Variants in BRI3BP observed in about 807,000 individuals in gnomAD.
BRI3BP encodes the protein BRI3-binding protein.
In BRI3BP, 7 loss-of-function variants were observed where a neutral mutation model predicts 15.8. The ratio of observed to expected loss-of-function variants is 0.44; its 90% confidence interval spans 0.25 to 0.83. The LOEUF (loss-of-function observed/expected upper bound fraction) is 0.83, where lower values mean the gene tolerates loss of function less well. Ranked by LOEUF, BRI3BP falls within the 40% of genes least tolerant of loss-of-function variation. BRI3BP has a pLI of 0.20. For missense variants in BRI3BP, 320 were observed against 339.3 expected (o/e 0.94, Z 0.45); for synonymous variants, 192 against 163.5 (o/e 1.17, Z -1.33).
the BRI3BP span, among the ~76,000 whole-genome samples, chr12:125,040,737 A>ATT: frequency 1.4e-5 from 2 of 140,156 alleles, no homozygotes; most frequent in African/African-American, 5.2e-5. Context: ...TTATTTATTC[A>ATT]TTTTTTTTTT....
At chr12:125,022,541 A>ATTTATTTATTTATTTATTTTTTTT in intron 2 of BRI3BP, among the ~76,000 whole-genome samples, 193 of 139,420 alleles carry the variant, frequency 1.4e-3, no homozygotes, top group African/African-American at 5.0e-3. Context: ...TTATTTATTT[A>ATTTATTTATTTATTTATTTTTTTT]TTTTTTGAGA....
chr12:125,025,801 G>T lies in BRI3BP; in HGVS notation c.*371G>T. 6.0e-6 allele frequency: 1 copy of T among 165,916 alleles called. No individual in the cohort carries two copies. Among genetic ancestry groups the T allele is most frequent in the Admixed American group, 6.2e-5 (1 of 16,110 alleles). The allele number at this position is 165,916 out of a possible 1,614,324, so 10.3% of individuals were successfully genotyped here. On this transcript the variant is annotated 3_prime_UTR_variant, in exon 3 of 3. Transcript: ENST00000341446. ...TTTTAATAAAGGCAGATTGAGTCAA[G>T]TTTATTAAAACTTTACATGGAGGGG...
At chr12:125,020,211 G>A (rs112888580) in intron 2 of BRI3BP, among the ~76,000 whole-genome samples, 4 of 152,252 alleles carry the variant, frequency 2.6e-5, no homozygotes, top group East Asian at 1.9e-4. Flanking sequence ...CTCCCAAAGA[G>A]CTGGGATTAC....
chr12:125,040,717 TTTTA>T, the BRI3BP span, among the ~76,000 whole-genome samples: 109 of 152,126 alleles, frequency 7.2e-4, 1 homozygote, highest in Non-Finnish European at 1.1e-3. Context: ...TGTTATTTCA[TTTTA>T]TTTATTTATT....
Position 125,028,009 on chromosome 12 carries a change from A to G in BRI3BP, c.*2579A>G, listed in dbSNP as rs1034616572. The G allele has an allele frequency of 6.6e-6, 1 of 152,246 alleles. No individual in the cohort carries two copies. 9.4% of individuals were successfully genotyped at this position (152,246 alleles called of 1,614,324 possible). On this transcript the variant is annotated 3_prime_UTR_variant, in exon 3 of 3. Transcript: ENST00000341446. ...GCCTAGATCAAATCTTTATCCATGC[A>G]CATTGGAACACAGGATTACTGGGTT...
intron 1 of BRI3BP, among the ~76,000 whole-genome samples, chr12:124,995,327 G>T (rs117151332): frequency 0.017 from 2,529 of 152,278 alleles, 28 homozygotes; most frequent in Non-Finnish European, 0.026. Context: ...AGGATCAGGG[G>T]TGTGAGTGCA....
intron 1 of BRI3BP, among the ~76,000 whole-genome samples, chr12:124,994,660 A>G (rs1955025885): frequency 6.6e-6 from 1 of 152,126 alleles, no homozygotes; most frequent in African/African-American, 2.4e-5. Flanking sequence ...GGAGGATCGC[A>G]GGGGGTTTTC....
intron 2 of BRI3BP, 123 bp from the exon 3 acceptor site, chr12:125,024,859 CTTCCTTGAG>C (rs1462416252): frequency 1.3e-6 from 1 of 757,298 alleles, no homozygotes; most frequent in African/African-American, 1.8e-5. Context: ...CACAGAGGAA[CTTCCTTGAG>C]TTCCTTTGGT....
the BRI3BP span, among the ~76,000 whole-genome samples, chr12:125,044,256 G>A: frequency 6.6e-6 from 1 of 151,830 alleles, no homozygotes; most frequent in African/African-American, 2.4e-5. Flanking sequence ...GGGTTCAAGC[G>A]ATTCTCCTGC....
intron 2 of BRI3BP, among the ~76,000 whole-genome samples, chr12:125,020,237 T>G (rs1955285093): frequency 6.6e-6 from 1 of 152,170 alleles, no homozygotes. Context: ...TGAGCCACCG[T>G]GCCCGGCCTA....
intron 1 of BRI3BP, among the ~76,000 whole-genome samples, chr12:124,999,087 A>G (rs1377978821): frequency 3.3e-5 from 5 of 152,216 alleles, no homozygotes; most frequent in Non-Finnish European, 7.3e-5. Context: ...CTCCAAAAAA[A>G]ACAAACAAAT....
rs1955390494 is a variant in BRI3BP at position 125,029,554 on chromosome 12, GTGTGTATATA to G, written c.*4126_*4135del. The G allele has an allele frequency of 6.9e-6, 1 of 144,132 alleles. No individual in the cohort carries two copies. The highest frequency in any genetic ancestry group is 2.1e-4 in the South Asian group (1 of 4,664). 8.9% of individuals were successfully genotyped at this position (144,132 alleles called of 1,614,324 possible). On this transcript the variant is annotated 3_prime_UTR_variant, in exon 3 of 3. Coordinates refer to ENST00000341446, the MANE Select transcript of BRI3BP (RefSeq NM_080626.6). ...CTCAAAAAAAAAAAAAAGTGTGTGT[GTGTGTATATA>G]TATGTATATATATATACACACACAC...
intron 1 of BRI3BP, among the ~76,000 whole-genome samples, chr12:125,004,029 A>G (rs965703436): frequency 2.6e-5 from 4 of 152,030 alleles, no homozygotes; most frequent in Non-Finnish European, 4.4e-5. Context: ...ATTACAGCTT[A>G]TAACAATTCC....
chr12:125,001,455 G>T (rs145390524), intron 1 of BRI3BP, among the ~76,000 whole-genome samples: 2,132 of 152,220 alleles, frequency 0.014, 55 homozygotes, highest in African/African-American at 0.048. Flanking sequence ...TGCCTCCTGG[G>T]TTCAAGCGAT....
chr12:125,025,794 G>T lies in BRI3BP; in HGVS notation c.*364G>T. ...TAAGGTTTTTTAATAAAGGCAGATTGAGTCAAGTTTATTAAAACTTTACAT... is the reference window on the plus strand; with the variant it reads ...TAAGGTTTTTTAATAAAGGCAGATTTAGTCAAGTTTATTAAAACTTTACAT... On this transcript the variant is annotated 3_prime_UTR_variant, in exon 3 of 3. Coordinates refer to ENST00000341446, the MANE Select transcript of BRI3BP (RefSeq NM_080626.6). The T allele has an allele frequency of 5.7e-6, 1 of 174,608 alleles. No homozygotes were observed. The highest frequency in any genetic ancestry group is 6.1e-5 in the Admixed American group (1 of 16,358). The allele number at this position is 174,608 out of a possible 1,614,324, so 10.8% of individuals were successfully genotyped here.
rs926455507 is a variant in BRI3BP, at chr12:125,028,555, C to T, written c.*3125C>T. 1 of 151,950 alleles carries T rather than the reference C, an allele frequency of 6.6e-6. No homozygotes were observed. Among genetic ancestry groups the T allele is most frequent in the Non-Finnish European group, 1.5e-5 (1 of 67,982 alleles). 9.4% of individuals were successfully genotyped at this position (151,950 alleles called of 1,614,324 possible). The stretch of plus-strand genomic sequence containing the variant: ...CTGAAGCCAGTTTTATAGCTTGATA[C>T]ATTCTGGTGAAAGATGTCTTCATTT... On this transcript the variant is annotated 3_prime_UTR_variant, in exon 3 of 3. Coordinates refer to ENST00000341446, the MANE Select transcript of BRI3BP (RefSeq NM_080626.6).
In BRI3BP at chr12:124,993,743, C is replaced by A. The variant is rs1443217151; in HGVS notation, c.-48C>A. 1.0e-6 allele frequency: 1 copy of A among 960,900 alleles called. No homozygotes were observed. The highest frequency in any genetic ancestry group is 1.1e-4 in the East Asian group (1 of 8,960). The allele number at this position is 960,900 out of a possible 1,614,324, so 59.5% of individuals were successfully genotyped here. ...CTAGCCGGAGCCCGCTGCGGCCCAG[C>A]GCACGGCCCTCACCCCGCATCGCGA... is the stretch of plus-strand genomic sequence containing the variant. On this transcript the variant is annotated 5_prime_UTR_variant, in exon 1 of 3. Coordinates refer to ENST00000341446, the MANE Select transcript of BRI3BP (RefSeq NM_080626.6).
chr12:125,010,165 G>A (rs1357545983), intron 1 of BRI3BP, among the ~76,000 whole-genome samples: 1 of 152,068 alleles, frequency 6.6e-6, no homozygotes, highest in Non-Finnish European at 1.5e-5. Flanking sequence ...CACTTACCAT[G>A]TGCTCAAAGC....
chr12:125,019,073 G>A (rs1166677509), intron 2 of BRI3BP, among the ~76,000 whole-genome samples: 4 of 152,090 alleles, frequency 2.6e-5, no homozygotes, highest in African/African-American at 9.7e-5. Flanking sequence ...GGCCAGGCTG[G>A]TCTCGAACTC....
Sources: allele counts gnomAD v4.1 joint callset (sites outside exome capture counted in the v4.1 genomes callset), GRCh38; gene constraint gnomAD v4.1.1; transcripts MANE v1.5; gene names NCBI Gene and HGNC (gene_info 2026-07-23, HGNC 2026-07-21).